PDK1: variants seen among roughly 807,000 people sequenced by gnomAD.
The protein encoded by PDK1 is [Pyruvate dehydrogenase (acetyl-transferring)] kinase isozyme 1, mitochondrial.
Under a neutral mutation model 54.2 loss-of-function variants are expected in PDK1, and 39 were observed. The observed-to-expected ratio is 0.72, with a 90% CI of 0.56 to 0.94. The LOEUF is 0.94. PDK1 is among the 40% of genes least tolerant of loss of function. The pLI, the probability that PDK1 is intolerant of heterozygous loss-of-function variation, is 0.00. For missense variants in PDK1, 552 were observed against 566.0 expected (o/e 0.98, Z 0.25); for synonymous variants, 221 against 207.1 (o/e 1.07, Z -0.58).
the PDK1 span, among the ~76,000 whole-genome samples, chr2:172,717,108 A>G: frequency 6.6e-5 from 10 of 152,230 alleles, no homozygotes; most frequent in African/African-American, 2.4e-4. Flanking sequence ...GGGTTGGCCA[A>G]TGGAATATGG....
the PDK1 span, among the ~76,000 whole-genome samples, chr2:172,622,604 TATTATGTGAGATATGTTTATCTC>T: frequency 6.8e-4 from 101 of 148,582 alleles, no homozygotes; most frequent in African/African-American, 1.8e-3. Flanking sequence ...ATATCTCATA[TATTATGTGAGATATGTTTATCTC>T]ATTATGTGAG....
In PDK1 at chr2:172,562,242, C is replaced by T; in HGVS notation, c.361C>T (p.Leu121Phe). 6.3e-7 allele frequency: 1 copy of T among 1,595,492 alleles called. No homozygotes were observed. Among genetic ancestry groups the T allele is most frequent in the Non-Finnish European group, 8.6e-7 (1 of 1,163,410 alleles). The change falls in exon 3 of 11, where the codon CTT becomes TTT. Residue 121 changes from leucine to phenylalanine, a missense_variant. Physicochemically the swap from Leu to Phe is conservative, Grantham distance 22 (BLOSUM62 0). Coordinates refer to ENST00000282077, the MANE Select transcript of PDK1 (RefSeq NM_002610.5). ...QSWYIQSLQE[L>F]LDFKDKSAED... ...TAGGTATATCCAGAGTCTTCAGGAG[C>T]TTCTTGATTTTAAGGACAAAAGTGC...
the PDK1 span, among the ~76,000 whole-genome samples, chr2:172,654,023 T>C: frequency 8.5e-5 from 13 of 152,200 alleles, no homozygotes; most frequent in African/African-American, 2.9e-4. Flanking sequence ...CATGAAAAAA[T>C]GCTCATTGCT....
At chr2:172,564,740 AT>A (rs1688843111) in intron 4 of PDK1, 53 bp downstream of exon 4, 2 of 1,453,146 alleles carry the variant, frequency 1.4e-6, no homozygotes, top group African/African-American at 1.4e-5. Flanking sequence ...GTGTTGGCAT[AT>A]TTTAAATTTA....
chr2:172,579,978 TA>T (rs199755696), intron 8 of PDK1, among the ~76,000 whole-genome samples: 5,728 of 152,204 alleles, frequency 0.038, 147 homozygotes, highest in Middle Eastern at 0.062. Context: ...ATTGAACTTT[TA>T]TTTCCATTAT....
chr2:172,577,138 A>T (rs568129900), intron 8 of PDK1, among the ~76,000 whole-genome samples: 1 of 152,110 alleles, frequency 6.6e-6, no homozygotes, highest in Non-Finnish European at 1.5e-5. Context: ...TTGAGTACAT[A>T]TATGTTTTTA....
intron 9 of PDK1, among the ~76,000 whole-genome samples, chr2:172,588,037 C>G (rs1166785307): frequency 6.6e-6 from 1 of 152,212 alleles, no homozygotes; most frequent in African/African-American, 2.4e-5. Context: ...GGTTTCACCT[C>G]TCAGTTTTGC....
At chr2:172,574,082 C>T (rs1002480342) in intron 8 of PDK1, among the ~76,000 whole-genome samples, 1 of 152,080 alleles carries the variant, frequency 6.6e-6, no homozygotes, top group African/African-American at 2.4e-5. Flanking sequence ...TTTAGGTCTT[C>T]GATCCATTTT....
chr2:172,697,875 C>G, the PDK1 span, among the ~76,000 whole-genome samples: 1 of 152,092 alleles, frequency 6.6e-6, no homozygotes, highest in Middle Eastern at 3.2e-3. Context: ...TGCAGTGTAT[C>G]CTCACCATAT....
rs528389276 is a variant in PDK1 at position 172,586,649 on chromosome 2, C to A, written c.1056+261C>A. ...ATAGCAGTAGTTTTCCTGTGTAAAA[C>A]CACATTTTGAAATATGGTTAACCAC... is the stretch of plus-strand genomic sequence containing the variant. On this transcript the variant is annotated intron_variant, in intron 9 of 10. Coordinates refer to ENST00000282077, the MANE Select transcript of PDK1 (RefSeq NM_002610.5). Among the ~76,000 whole-genome samples the A allele has an allele frequency of 2.0e-5, 3 of 152,150 alleles. No individual in the cohort carries two copies. In the East Asian group the frequency reaches 5.8e-4, roughly 29 times the overall value.
the PDK1 span, among the ~76,000 whole-genome samples, chr2:172,676,435 T>C: frequency 6.6e-6 from 1 of 152,174 alleles, no homozygotes; most frequent in East Asian, 1.9e-4. Context: ...GTTTGGGTGT[T>C]GAGTCCAACC....
chr2:172,654,762 TA>T, the PDK1 span, among the ~76,000 whole-genome samples: 7 of 151,934 alleles, frequency 4.6e-5, no homozygotes, highest in African/African-American at 7.3e-5. Context: ...AGTATAATAA[TA>T]AAAAAAATTT....
At chr2:172,693,511 T>C in the PDK1 span, among the ~76,000 whole-genome samples, 1 of 152,236 alleles carries the variant, frequency 6.6e-6, no homozygotes, top group East Asian at 1.9e-4. Context: ...TTGGTATATG[T>C]AAAATGCTTA....
the PDK1 span, among the ~76,000 whole-genome samples, chr2:172,634,000 C>A: frequency 6.7e-6 from 1 of 149,338 alleles, no homozygotes; most frequent in Non-Finnish European, 1.5e-5. Context: ...TTCAGTCTCC[C>A]AAGTAGCTGG....
the PDK1 span, among the ~76,000 whole-genome samples, chr2:172,634,780 A>G: frequency 6.6e-6 from 1 of 152,028 alleles, no homozygotes; most frequent in Non-Finnish European, 1.5e-5. Context: ...TGCAAAAAAA[A>G]AAAAAAAAGA....
chr2:172,651,112 A>G, the PDK1 span, among the ~76,000 whole-genome samples: 1 of 152,226 alleles, frequency 6.6e-6, no homozygotes, highest in African/African-American at 2.4e-5. Flanking sequence ...AACAGAAATT[A>G]TAACAAACTG....
chr2:172,653,558 G>A, the PDK1 span, among the ~76,000 whole-genome samples: 20 of 151,570 alleles, frequency 1.3e-4, no homozygotes, highest in African/African-American at 4.1e-4. Flanking sequence ...AGCCAAGATC[G>A]TGCCACTGCA....
At chr2:172,701,601 G>A in the PDK1 span, among the ~76,000 whole-genome samples, 1 of 149,746 alleles carries the variant, frequency 6.7e-6, no homozygotes. Flanking sequence ...GAGTCTGTGA[G>A]TCCAAAAGAG....
the PDK1 span, among the ~76,000 whole-genome samples, chr2:172,638,003 T>C: frequency 6.6e-6 from 1 of 151,430 alleles, no homozygotes; most frequent in Non-Finnish European, 1.5e-5. Flanking sequence ...CCTGCATTTA[T>C]TTTTTTTTAA....
Sources: gnomAD v4.1 joint callset for allele counts (sites outside exome capture counted in the v4.1 genomes callset) on GRCh38, gnomAD v4.1.1 for gene constraint, MANE v1.5 for transcripts, NCBI Gene and HGNC (gene_info 2026-07-23, HGNC 2026-07-21) for gene names.